Variants in AGBL4 observed in about 807,000 individuals in gnomAD.
AGBL4 encodes the protein cytosolic carboxypeptidase 6.
Under a neutral mutation model 66.4 loss-of-function variants are expected in AGBL4, and 58 were observed. That is an observed-to-expected ratio of 0.87 (90% CI 0.71 to 1.09). The LOEUF (loss-of-function observed/expected upper bound fraction) is 1.09, where lower values mean the gene tolerates loss of function less well. Among genes scored for constraint, AGBL4 ranks in the 50% least tolerant of loss-of-function variants. The pLI is 0.00. For synonymous variants in AGBL4, 234 were observed against 222.9 expected (o/e 1.05, Z -0.44); for missense variants, 579 against 631.0 (o/e 0.92, Z 0.88).
intron 2 of AGBL4, among the ~76,000 whole-genome samples, chr1:49,707,453 CAT>C (rs1198088169): frequency 6.9e-6 from 1 of 144,004 alleles, no homozygotes; most frequent in African/African-American, 2.6e-5. Context: ...TGTCTTTGCA[CAT>C]GAGTTGGGTC....
intron 6 of AGBL4, among the ~76,000 whole-genome samples, chr1:48,807,838 T>C (rs1645961769): frequency 9.3e-6 from 1 of 107,480 alleles, no homozygotes; most frequent in Non-Finnish European, 2.5e-5. Flanking sequence ...CTCCCTGTAT[T>C]GTTCTGGGCC....
At position 48,783,106 on chromosome 1, in the gene AGBL4, T is replaced by A. The variant is rs575650117; in HGVS notation, c.634+84085A>T. 9.8e-5 allele frequency among the ~76,000 whole-genome samples: 15 copies of A among 152,348 alleles called. No homozygotes were observed. The South Asian group carries it at 3.1e-3, about 32-fold the overall frequency. ...TTGTCTTATGGCCTTTTACATTTTTTAAATTTTCCTATTTTGCCCAGAAAA... is the reference window on the plus strand; with the variant it reads ...TTGTCTTATGGCCTTTTACATTTTTAAAATTTTCCTATTTTGCCCAGAAAA... On this transcript the variant is annotated intron_variant, in intron 6 of 13. Transcript: ENST00000371839.
intron 3 of AGBL4, among the ~76,000 whole-genome samples, chr1:49,513,166 T>C (rs923461617): frequency 2.0e-5 from 3 of 152,100 alleles, no homozygotes; most frequent in Non-Finnish European, 2.9e-5. Flanking sequence ...CTTTCTAGTA[T>C]AAATCTGAAT....
rs540969496 is a variant in AGBL4, at chr1:49,181,202, C to T, written c.377+64568G>A. ...AAGGCCACGATCCACACCACCTCCA[C>T]ATGTGCCCAATTCATTCCTACCTCC... is the stretch of plus-strand genomic sequence containing the variant. On this transcript the variant is annotated intron_variant, in intron 4 of 13. Transcript: ENST00000371839. 2.1e-4 allele frequency among the ~76,000 whole-genome samples: 32 copies of T among 152,326 alleles called. No individual in the cohort carries two copies. The South Asian group carries it at 3.5e-3, about 17-fold the overall frequency.
intron 11 of AGBL4, among the ~76,000 whole-genome samples, chr1:48,543,090 C>T (rs1327511328): frequency 6.6e-6 from 1 of 152,148 alleles, no homozygotes; most frequent in Non-Finnish European, 1.5e-5. Flanking sequence ...TGTTTATCGA[C>T]CTTCCCAAAC....
intron 1 of AGBL4, among the ~76,000 whole-genome samples, chr1:49,906,328 G>T (rs1429320658): frequency 6.6e-6 from 1 of 152,022 alleles, no homozygotes; most frequent in African/African-American, 2.4e-5. Context: ...AAAGCTAAAA[G>T]AGTTCACCGT....
At chr1:49,150,622 C>T (rs1408805986) in intron 4 of AGBL4, among the ~76,000 whole-genome samples, 1 of 152,176 alleles carries the variant, frequency 6.6e-6, no homozygotes, top group African/African-American at 2.4e-5. Context: ...GCCTCTCTCA[C>T]TACTCTGCAC....
At chr1:48,724,022 G>A (rs1647191415) in intron 6 of AGBL4, among the ~76,000 whole-genome samples, 1 of 152,234 alleles carries the variant, frequency 6.6e-6, no homozygotes, top group Non-Finnish European at 1.5e-5. Flanking sequence ...TATGGGATAA[G>A]CAGAAGATGT....
intron 3 of AGBL4, among the ~76,000 whole-genome samples, chr1:49,511,088 A>T (rs1049196444): frequency 2.0e-5 from 3 of 152,000 alleles, no homozygotes; most frequent in Non-Finnish European, 4.4e-5. Flanking sequence ...CATTTTACCC[A>T]GCCATCCCAT....
At chr1:48,644,692 G>T (rs1319372757) in intron 8 of AGBL4, among the ~76,000 whole-genome samples, 1 of 152,218 alleles carries the variant, frequency 6.6e-6, no homozygotes, top group Non-Finnish European at 1.5e-5. Flanking sequence ...GATGGGAGTG[G>T]ATGCAGGAAG....
chr1:49,565,973 C>T (rs1366994038), intron 3 of AGBL4, among the ~76,000 whole-genome samples: 1 of 152,170 alleles, frequency 6.6e-6, no homozygotes, highest in Non-Finnish European at 1.5e-5. Flanking sequence ...CACATAGTCC[C>T]ATATTTCTTG....
At chr1:49,986,805 T>C (rs1659538497) in intron 1 of AGBL4, among the ~76,000 whole-genome samples, 2 of 152,130 alleles carry the variant, frequency 1.3e-5, no homozygotes, top group Admixed American at 1.3e-4. Flanking sequence ...AACAGTTAAC[T>C]TTCTTACATG....
intron 3 of AGBL4, among the ~76,000 whole-genome samples, chr1:49,445,541 T>G (rs915848422): frequency 2.0e-5 from 3 of 152,130 alleles, no homozygotes; most frequent in African/African-American, 7.2e-5. Flanking sequence ...TTTGTTTTAT[T>G]TTTCTTTTCT....
At chr1:49,216,558 C>T (rs1054377840) in intron 4 of AGBL4, among the ~76,000 whole-genome samples, 12 of 152,206 alleles carry the variant, frequency 7.9e-5, no homozygotes, top group Middle Eastern at 3.4e-3. Flanking sequence ...GGCCTCCAGC[C>T]GCAACCATGT....
intron 4 of AGBL4, among the ~76,000 whole-genome samples, chr1:49,071,591 G>T (rs1364507110): frequency 1.3e-5 from 2 of 151,930 alleles, no homozygotes; most frequent in Non-Finnish European, 2.9e-5. Context: ...TAATTTGATT[G>T]CACTGTGGTC....
chr1:48,877,386 C>A (rs1489214168), intron 5 of AGBL4, among the ~76,000 whole-genome samples: 3 of 152,024 alleles, frequency 2.0e-5, no homozygotes, highest in African/African-American at 7.2e-5. Flanking sequence ...AGGAAAGAAA[C>A]CTAGGTTAGC....
At chr1:49,036,272 T>G (rs1466990777) in intron 5 of AGBL4, among the ~76,000 whole-genome samples, 7 of 152,142 alleles carry the variant, frequency 4.6e-5, no homozygotes, top group Non-Finnish European at 8.8e-5. Context: ...GAAGCTAATG[T>G]AAATTCTGAC....
At chr1:49,321,713 T>C (rs1254068086) in intron 3 of AGBL4, among the ~76,000 whole-genome samples, 1 of 152,210 alleles carries the variant, frequency 6.6e-6, no homozygotes, top group Non-Finnish European at 1.5e-5. Flanking sequence ...TATAATGTGT[T>C]ATGTTCATAC....
chr1:48,780,097 A>G (rs1645255241), intron 6 of AGBL4, among the ~76,000 whole-genome samples: 1 of 151,962 alleles, frequency 6.6e-6, no homozygotes, highest in Non-Finnish European at 1.5e-5. Context: ...TTACATAGGT[A>G]TACACATGCC....
Sources: gnomAD v4.1 joint callset for allele counts (sites outside exome capture counted in the v4.1 genomes callset) on GRCh38, gnomAD v4.1.1 for gene constraint, MANE v1.5 for transcripts, NCBI Gene and HGNC (gene_info 2026-07-23, HGNC 2026-07-21) for gene names.